Variants in ACY1 observed in about 807,000 individuals in gnomAD.
ACY1 encodes aminoacylase 1, also known as aminoacylase-1.
In ACY1, 38 loss-of-function variants were observed where a neutral mutation model predicts 53.3. The ratio of observed to expected loss-of-function variants is 0.71; its 90% CI spans 0.55 to 0.93. The LOEUF (loss-of-function observed/expected upper bound fraction) is 0.93, where lower values mean the gene tolerates loss of function less well. Ranked by LOEUF, ACY1 falls within the 40% of genes least tolerant of loss-of-function variation. The probability of loss-of-function intolerance (pLI) is 0.00; values close to 1 mark genes in which losing one functional copy is unlikely to be tolerated. For missense variants in ACY1, 484 were observed against 540.9 expected, an observed-to-expected ratio of 0.89 and a Z score of 1.04; for synonymous variants, 177 against 202.1, an observed-to-expected ratio of 0.88 and a Z score of 1.05.
chr3:51,987,957 C>G, intron 12 of ACY1: 1 of 331,500 alleles, frequency 3.0e-6, no homozygotes, highest in Non-Finnish European at 5.7e-6. Flanking sequence ...CCTCCGCCTC[C>G]CGGGTTCAAG....
Position 51,987,206 on chromosome 3 carries a change from C to A in ACY1, c.707+10C>A, listed in dbSNP as rs142558042. 221 of 1,614,128 alleles carry A rather than the reference C, an allele frequency of 1.4e-4. No homozygotes were observed. The East Asian group carries it at 4.4e-3, about 32-fold the overall frequency. ...AGAAGGAATGGCAGAGGTGAGGCAG[C>A]CTGGGAGGCAGTGGGGTGGCTCTGG... On this transcript the variant is annotated intron_variant, in intron 10 of 14. Transcript: ENST00000636358.
chr3:51,986,073 C>T, intron 5 of ACY1, 127 bp downstream of exon 5: 1 of 1,102,380 alleles, frequency 9.1e-7, no homozygotes, highest in Non-Finnish European at 1.4e-6. Flanking sequence ...ACAGGAACTA[C>T]TGCCATGACC....
intron 4 of ACY1, among the ~76,000 whole-genome samples, 182 bp downstream of exon 4, chr3:51,985,647 G>T (rs559241369): frequency 6.6e-6 from 1 of 152,136 alleles, no homozygotes. Flanking sequence ...GGGCCAGAGT[G>T]GGGTGGGGAC....
intron 2 of ACY1, chr3:51,984,742 G>A (rs1263815940): frequency 4.0e-6 from 1 of 251,044 alleles, no homozygotes; most frequent in Non-Finnish European, 7.8e-6. Context: ...TTGAGCCTGG[G>A]AGGTTGAGGC....
At chr3:51,984,840 G>GAAAAAAA in intron 2 of ACY1, 1 of 211,534 alleles carries the variant, frequency 4.7e-6, no homozygotes, top group Non-Finnish European at 9.2e-6. Flanking sequence ...AAAAGGAAAA[G>GAAAAAAA]AAAAAAAAAA....
chr3:51,988,902 C>A lies in ACY1; in HGVS notation c.1063-9C>A. Reference sequence around the variant, plus strand: ...GCTTTTCCCTAACGGCTCTTCCTCACCCCTGCAGGTGGGGGTCCCAGCTCT... The same window carrying A: ...GCTTTTCCCTAACGGCTCTTCCTCAACCCTGCAGGTGGGGGTCCCAGCTCT... On this transcript the variant is annotated splice_polypyrimidine_tract_variant and intron_variant, in intron 14 of 14. Coordinates refer to ENST00000636358, the MANE Select transcript of ACY1 (RefSeq NM_000666.3). 1 of 1,614,236 alleles carries A rather than the reference C, an allele frequency of 6.2e-7. No homozygotes were observed. The highest frequency in any genetic ancestry group is 8.5e-7 in the Non-Finnish European group (1 of 1,180,050).
chr3:51,984,292 C>A, intron 2 of ACY1, 134 bp downstream of exon 2: 1 of 790,880 alleles, frequency 1.3e-6, no homozygotes, highest in Non-Finnish European at 2.2e-6. Context: ...CCCCTCCAGC[C>A]ATTCCCCAAG....
intron 1 of ACY1, 89 bp downstream of exon 1, chr3:51,983,678 T>G: frequency 1.8e-5 from 5 of 277,394 alleles, no homozygotes; most frequent in Middle Eastern, 1.3e-3. Flanking sequence ...TCTTGTTTGT[T>G]TTTTGTTTTT....
chr3:51,988,889 C>A (rs761533944), intron 14 of ACY1, 22 bp from the exon 15 acceptor site: 7 of 1,614,204 alleles, frequency 4.3e-6, no homozygotes, highest in Non-Finnish European at 4.2e-6. Flanking sequence ...TTTTCCCTAA[C>A]GGCTCTTCCT....
rs1701082805 is a variant in ACY1 at position 51,986,908 on chromosome 3, G to C, written c.584-80G>C. 3 of 1,475,528 alleles carry C rather than the reference G, an allele frequency of 2.0e-6. No individual in the cohort carries two copies. The African/African-American group carries it at 4.2e-5, about 21-fold the overall frequency. 91.4% of individuals were successfully genotyped at this position (1,475,528 alleles called of 1,614,324 possible). On this transcript the variant is annotated intron_variant, in intron 8 of 14. Coordinates refer to ENST00000636358, the MANE Select transcript of ACY1 (RefSeq NM_000666.3). ...TGCCAGAGGAGCCTGGAATGAGGGG[G>C]AGACCTGGGCCCACCCCAGGCTGAT...
chr3:51,989,147 T>G lies in ACY1; in HGVS notation c.*72T>G. 1 of 1,586,030 alleles carries G rather than the reference T, an allele frequency of 6.3e-7. No individual in the cohort carries two copies. Among genetic ancestry groups the G allele is most frequent in the Non-Finnish European group, 8.6e-7 (1 of 1,164,880 alleles). ...AGTGCCAAGGACCTCCTCTTCCCCC[T>G]TCCAAATAATAAAGTCTATGGACAG... On this transcript the variant is annotated 3_prime_UTR_variant, in exon 15 of 15. Transcript: ENST00000636358.
chr3:51,986,797 C>T, intron 8 of ACY1, 136 bp downstream of exon 8: 1 of 1,317,462 alleles, frequency 7.6e-7, no homozygotes, highest in Admixed American at 1.8e-5. Context: ...CCTCCCAGCT[C>T]TTTCCTATCT....
rs139048354 is a variant in ACY1, at chr3:51,985,684, A to G, written c.265-168A>G. On this transcript the variant is annotated intron_variant, in intron 4 of 14. Coordinates refer to ENST00000636358, the MANE Select transcript of ACY1 (RefSeq NM_000666.3). ...GGGGGGTGGGAAGCAGGAGACAGCA[A>G]TGGGGGATGGCAATCAGCTGCCTTC... 9.3e-3 allele frequency among the ~76,000 whole-genome samples: 1,422 copies of G among 152,214 alleles called. 18 individuals are homozygous for G. Among genetic ancestry groups the G allele is most frequent in the Non-Finnish European group, 0.016 (1,062 of 68,010 alleles).
intron 2 of ACY1, chr3:51,984,956 C>T (rs1201817744): frequency 5.2e-6 from 3 of 575,026 alleles, no homozygotes; most frequent in Non-Finnish European, 9.3e-6. Context: ...CCATAGTTTC[C>T]CATATTTAAG....
At chr3:51,985,163 C>T (rs750019054) in intron 2 of ACY1, 44 bp from the exon 3 acceptor site, 1 of 1,577,900 alleles carries the variant, frequency 6.3e-7, no homozygotes, top group Non-Finnish European at 8.6e-7. Context: ...TGGTGGGAAG[C>T]TGTGGGTAGG....
In ACY1 at chr3:51,987,624, G is replaced by C. The variant is rs765250665; in HGVS notation, c.921G>C (p.Gln307His). ...AGEGVTLEFA[Q>H]KWMHPQVTPT... ...AGGGGGTCACCCTAGAGTTTGCTCA[G>C]GTATGGACTTGGGACATGTGATGGG... Residue 307 changes from glutamine to histidine, a missense_variant and splice_region_variant, in exon 12 of 15, where the codon CAG becomes CAC. By Grantham distance (24) the Gln-to-His change is conservative. Coordinates refer to ENST00000636358, the MANE Select transcript of ACY1 (RefSeq NM_000666.3). 6.2e-7 allele frequency: 1 copy of C among 1,613,768 alleles called. No homozygotes were observed. Among genetic ancestry groups the C allele is most frequent in the Non-Finnish European group, 8.5e-7 (1 of 1,179,946 alleles).
At position 51,989,036 on chromosome 3, in the gene ACY1, T is replaced by A. The variant is rs199634670; in HGVS notation, c.1188T>A (p.Pro396=). Residue 396 remains proline, a synonymous_variant, in exon 15 of 15, where the codon CCT becomes CCA. Coordinates refer to ENST00000636358, the MANE Select transcript of ACY1 (RefSeq NM_000666.3). ...RGVDIYTRLL[P]ALASVPALPS... is the part of the protein sequence containing the mutation. The stretch of plus-strand genomic sequence containing the variant: ...TGGACATATATACACGCCTGCTGCC[T>A]GCCCTTGCCAGTGTGCCTGCCCTGC... 2 of 1,613,968 alleles carry A rather than the reference T, an allele frequency of 1.2e-6. No homozygotes were observed. The highest frequency in any genetic ancestry group is 1.7e-6 in the Non-Finnish European group (2 of 1,180,036).
In ACY1 at chr3:51,988,942, T is replaced by A; in HGVS notation, c.1094T>A (p.Met365Lys). ...GTCCCAGCTCTAGGCTTCTCACCCA[T>A]GAACCGCACACCTGTGCTGCTGCAC... ...VGVPALGFSP[M>K]NRTPVLLHDH... The change falls in exon 15 of 15, where the codon ATG becomes AAG. Residue 365 changes from methionine to lysine, a missense_variant. Met to Lys is a moderately conservative substitution (Grantham distance 95). Transcript: ENST00000636358. 6.2e-7 allele frequency: 1 copy of A among 1,614,212 alleles called. No individual in the cohort carries two copies. The highest frequency in any genetic ancestry group is 8.5e-7 in the Non-Finnish European group (1 of 1,180,034).
intron 1 of ACY1, 34 bp from the exon 2 acceptor site, chr3:51,984,013 T>C (rs1401494088): frequency 1.3e-6 from 2 of 1,501,404 alleles, no homozygotes; most frequent in Non-Finnish European, 1.8e-6. Flanking sequence ...TCCAGGGTCT[T>C]GGAGGGGTAG....
Sources: allele counts gnomAD v4.1 joint callset (sites outside exome capture counted in the v4.1 genomes callset), GRCh38; gene constraint gnomAD v4.1.1; transcripts MANE v1.5; gene names NCBI Gene and HGNC (gene_info 2026-07-23, HGNC 2026-07-21).